LRP2: variants seen among roughly 807,000 people sequenced by gnomAD.
LRP2 encodes LDL receptor related protein 2, also known as low-density lipoprotein receptor-related protein 2.
LRP2 carries 172 observed loss-of-function variants against 531.0 expected under a neutral mutation model. The observed-to-expected ratio is 0.32, with a 90% CI of 0.29 to 0.37. LRP2 has a LOEUF of 0.37. Ranked by LOEUF, LRP2 falls within the 10% of genes least tolerant of loss-of-function variation. The probability of loss-of-function intolerance (pLI) is 1.00; values close to 1 mark genes in which losing one functional copy is unlikely to be tolerated. For missense variants in LRP2, 5,167 were observed against 5,868.3 expected, an observed-to-expected ratio of 0.88 and a Z score of 3.90; for synonymous variants, 1,992 against 2,027.6, an observed-to-expected ratio of 0.98 and a Z score of 0.47.
chr2:169,198,404 A>G (rs1040353502), intron 45 of LRP2, among the ~76,000 whole-genome samples: 42 of 152,154 alleles, frequency 2.8e-4, no homozygotes, highest in African/African-American at 9.4e-4. Flanking sequence ...ACAGAGTGAG[A>G]CTGTCTGAAA....
At chr2:169,232,605 G>C (rs2105370288) in intron 30 of LRP2, among the ~76,000 whole-genome samples, 1 of 152,216 alleles carries the variant, frequency 6.6e-6, no homozygotes, top group South Asian at 2.1e-4. Context: ...TGAGGGGGTG[G>C]CTATTTTAGG....
In LRP2 at chr2:169,146,922, T is replaced by G. The variant is rs4667591; in HGVS notation, c.12628A>C (p.Ile4210Leu). ...TCTCCATTCATCCAGGCAGACTCGATTTTAGGTTCCTTTCCCCAGTCAGTC... is the reference window on the plus strand; with the variant it reads ...TCTCCATTCATCCAGGCAGACTCGAGTTTAGGTTCCTTTCCCCAGTCAGTC... The part of the protein sequence containing the change: ...FWTDWGKEPK[I>L]ESAWMNGEDR... Residue 4210 changes from isoleucine (I) to leucine (L), a missense_variant, in exon 69 of 79, where the codon ATC (isoleucine) becomes CTC (leucine). Around this residue, in one of 6 missense-constraint regions of LRP2, gnomAD observed 564 missense variants for 747.7 expected, o/e 0.75. Coordinates refer to ENST00000649046, the MANE Select transcript of LRP2 (RefSeq NM_004525.3). 1,211,200 of 1,613,220 alleles carry G rather than the reference T, an allele frequency of 0.75. 468,969 individuals are homozygous for G. The highest frequency in any genetic ancestry group is 0.8 in the South Asian group (73,150 of 91,060).
chr2:169,217,342 A>AGTTG (rs1688836974), intron 34 of LRP2, among the ~76,000 whole-genome samples: 1 of 151,990 alleles, frequency 6.6e-6, no homozygotes, highest in Non-Finnish European at 1.5e-5. Flanking sequence ...TTCAACTCTA[A>AGTTG]ACTTCTCCGC....
At chr2:169,307,455 T>G in intron 3 of LRP2, 58 bp from the exon 4 acceptor site, 1 of 996,090 alleles carries the variant, frequency 1.0e-6, no homozygotes, top group African/African-American at 1.6e-5. Context: ...CAGACTAATC[T>G]ATTGTCATTA....
chr2:169,226,292 T>G, intron 32 of LRP2, 130 bp downstream of exon 32: 1 of 745,274 alleles, frequency 1.3e-6, no homozygotes, highest in Non-Finnish European at 2.2e-6. Flanking sequence ...ATCAAAAAAC[T>G]TAGGGATAAA....
chr2:169,328,113 C>T (rs1316786859), intron 1 of LRP2, among the ~76,000 whole-genome samples: 5 of 138,386 alleles, frequency 3.6e-5, no homozygotes, highest in Admixed American at 2.8e-4. Flanking sequence ...AGGTGAGGGG[C>T]GCCTCTGCCC....
At chr2:169,208,993 T>C (rs191346718) in intron 38 of LRP2, among the ~76,000 whole-genome samples, 25 of 152,312 alleles carry the variant, frequency 1.6e-4, no homozygotes, top group Admixed American at 1.6e-3. Context: ...AAATATCTCA[T>C]GATCTAAGGG....
chr2:169,148,527 G>T (rs1056117642), intron 68 of LRP2, among the ~76,000 whole-genome samples: 1 of 152,056 alleles, frequency 6.6e-6, no homozygotes, highest in Non-Finnish European at 1.5e-5. Flanking sequence ...CAAGTAGAAG[G>T]CTGAGGCAGG....
intron 6 of LRP2, among the ~76,000 whole-genome samples, chr2:169,293,220 AG>A (rs2105470710): frequency 1.3e-5 from 2 of 152,378 alleles, no homozygotes; most frequent in South Asian, 4.1e-4. Flanking sequence ...TACTGAACAT[AG>A]TAAAACTCTT....
At chr2:169,326,149 TCCCTCTCCCTCTCCCTCTCCCTCC>T (rs1685045435) in intron 1 of LRP2, among the ~76,000 whole-genome samples, 2 of 66,532 alleles carry the variant, frequency 3.0e-5, no homozygotes, top group African/African-American at 8.8e-5. Flanking sequence ...CCTCTCCCTC[TCCCTCTCCCTCTCCCTCTCCCTCC>T]CCCTCTCCCC....
Position 169,317,110 on chromosome 2 carries a change from A to G in LRP2, c.310+1652T>C, listed in dbSNP as rs866725614. ...TCATTAAAAATGGGAGAATTGCCTC[A>G]TGAAATGTATAGTCATTTAAAATGA... On this transcript the variant is annotated intron_variant, in intron 3 of 78. Transcript: ENST00000649046. Among the ~76,000 whole-genome samples, 4 of 152,238 alleles carry G rather than the reference A, an allele frequency of 2.6e-5. No individual in the cohort carries two copies. The South Asian group carries it at 8.3e-4, about 31-fold the overall frequency.
At chr2:169,346,481 C>T (rs1334366259) in intron 1 of LRP2, among the ~76,000 whole-genome samples, 1 of 151,982 alleles carries the variant, frequency 6.6e-6, no homozygotes, top group African/African-American at 2.4e-5. Flanking sequence ...TGACAATTGA[C>T]TTGGGACATG....
In LRP2 at chr2:169,270,527, G is replaced by A. The variant is rs185664777; in HGVS notation, c.2320+377C>T. On this transcript the variant is annotated intron_variant, in intron 16 of 78. Coordinates refer to ENST00000649046, the MANE Select transcript of LRP2 (RefSeq NM_004525.3). ...AAGGACAGAAAACCAAACACCACAT[G>A]TTCTCACTCACAGGTGGGAATTGAA... Among the ~76,000 whole-genome samples, 700 of 150,108 alleles carry A rather than the reference G, an allele frequency of 4.7e-3. 9 individuals carry two copies. The highest frequency in any genetic ancestry group is 0.016 in the African/African-American group (662 of 40,856).
intron 1 of LRP2, among the ~76,000 whole-genome samples, chr2:169,324,212 A>G (rs1249973098): frequency 2.6e-5 from 4 of 152,204 alleles, no homozygotes; most frequent in Non-Finnish European, 5.9e-5. Flanking sequence ...CTTGCCCAAG[A>G]TCCAACAGCA....
intron 60 of LRP2, 24 bp downstream of exon 60, chr2:169,169,678 C>CT (rs1686920969): frequency 6.4e-7 from 1 of 1,569,690 alleles, no homozygotes; most frequent in African/African-American, 1.4e-5. Context: ...GTAAGCAGTA[C>CT]TACATATGTG....
intron 1 of LRP2, among the ~76,000 whole-genome samples, chr2:169,354,267 T>A (rs1331940422): frequency 6.6e-6 from 1 of 152,172 alleles, no homozygotes; most frequent in Non-Finnish European, 1.5e-5. Context: ...AGTAGATCAG[T>A]GAGGAAAGAC....
chr2:169,240,776 A>C (rs897668388), intron 25 of LRP2: 1 of 617,216 alleles, frequency 1.6e-6, no homozygotes, highest in African/African-American at 1.8e-5. Context: ...AGAAGTAAAA[A>C]CACATAACCA....
In LRP2 at chr2:169,168,576, G is replaced by A. The variant is rs781083532; in HGVS notation, c.11598C>T (p.Asp3866=). The A allele has an allele frequency of 7.4e-6, 12 of 1,613,962 alleles. No homozygotes were observed. The highest frequency in any genetic ancestry group is 7.6e-6 in the Non-Finnish European group (9 of 1,179,992). ...PPYWKCDGDD[D]CGDGSDEELH... is the part of the protein sequence containing the mutation. ...GTTCTTCATCTGAACCATCGCCACA[G>A]TCATCATCGCCATCACATTTCCAAT... The change falls in exon 61 of 79, where the codon GAC becomes GAT. Residue 3866 remains aspartate, a synonymous_variant. Coordinates refer to ENST00000649046, the MANE Select transcript of LRP2 (RefSeq NM_004525.3).
At chr2:169,255,532 A>C (rs981820428) in intron 19 of LRP2, among the ~76,000 whole-genome samples, 1 of 152,166 alleles carries the variant, frequency 6.6e-6, no homozygotes, top group South Asian at 2.1e-4. Flanking sequence ...GACGAAAAAA[A>C]ATTATGTCTT....
Sources: gnomAD v4.1 joint callset for allele counts (sites outside exome capture counted in the v4.1 genomes callset) on GRCh38, gnomAD v4.1.1 for gene constraint, gnomAD v4.1.1 regional missense constraint, MANE v1.5 for transcripts, NCBI Gene and HGNC (gene_info 2026-07-23, HGNC 2026-07-21) for gene names.